SLC29A2: variants seen among roughly 807,000 people sequenced by gnomAD.
The protein encoded by SLC29A2 is equilibrative nucleoside transporter 2.
A neutral mutation model predicts 48.8 loss-of-function variants in SLC29A2; 37 were observed. The ratio of observed to expected loss-of-function variants is 0.76; its 90% CI spans 0.58 to 1.00. The LOEUF is 1.00. Ranked by LOEUF, SLC29A2 falls within the 50% of genes least tolerant of loss-of-function variation. The probability of loss-of-function intolerance (pLI) is 0.00; values close to 1 mark genes in which losing one functional copy is unlikely to be tolerated. For synonymous variants in SLC29A2, 233 were observed against 261.7 expected (o/e 0.89, Z 1.06); for missense variants, 533 against 578.6 (o/e 0.92, Z 0.81).
chr11:66,369,671 A>G (rs918342273), intron 2 of SLC29A2, 139 bp from the exon 3 acceptor site: 16 of 985,972 alleles, frequency 1.6e-5, no homozygotes, highest in Non-Finnish European at 2.5e-5. Context: ...GCCGGCACAC[A>G]GTCGGAGCTC....
At position 66,363,278 on chromosome 11, in the gene SLC29A2, T is replaced by C. The variant is rs1855477153; in HGVS notation, c.*158A>G. ...GATTTCTTCCCCACAGCACTCCAAGTGGATGAAGAGCAGCTCCTGCCCGCT... is the reference window on the plus strand; with the variant it reads ...GATTTCTTCCCCACAGCACTCCAAGCGGATGAAGAGCAGCTCCTGCCCGCT... On this transcript the variant is annotated 3_prime_UTR_variant, in exon 12 of 12. Transcript: ENST00000357440. 1.4e-6 allele frequency: 1 copy of C among 694,992 alleles called. No individual in the cohort carries two copies. The highest frequency in any genetic ancestry group is 2.7e-6 in the Non-Finnish European group (1 of 376,304). The allele number at this position is 694,992 out of a possible 1,614,324, so 43.1% of individuals were successfully genotyped here. A position where few individuals can be genotyped will look rare whatever the true frequency, so the allele number is the denominator to read the frequency against.
chr11:66,369,652 T>C (rs941192750), intron 2 of SLC29A2, 120 bp from the exon 3 acceptor site: 1 of 1,179,710 alleles, frequency 8.5e-7, no homozygotes, highest in African/African-American at 1.5e-5. Context: ...CCTTGTTCTG[T>C]TCCCAGCAGC....
intron 2 of SLC29A2, among the ~76,000 whole-genome samples, chr11:66,370,989 GA>G (rs1389218367): frequency 2.6e-5 from 4 of 152,132 alleles, no homozygotes; most frequent in Non-Finnish European, 5.9e-5. Flanking sequence ...GACACACAGA[GA>G]GGGGTGGCAG....
chr11:66,365,689 C>A (rs545639292), intron 10 of SLC29A2, among the ~76,000 whole-genome samples: 1 of 152,354 alleles, frequency 6.6e-6, no homozygotes, highest in South Asian at 2.1e-4. Flanking sequence ...ATGTAACATT[C>A]TCTGAGCAGC....
Position 66,371,548 on chromosome 11 carries a change from C to T in SLC29A2, c.29+15G>A, listed in dbSNP as rs1219177983. On this transcript the variant is annotated intron_variant, in intron 1 of 11. Transcript: ENST00000357440. ...AACGCCCCCGGCCACTTGCAACGCA[C>T]CCGGGCCCACTCACCTGTCCCGCGG... is the stretch of plus-strand genomic sequence containing the variant. 2.6e-6 allele frequency: 4 copies of T among 1,550,160 alleles called. No homozygotes were observed. The highest frequency in any genetic ancestry group is 2.4e-5 in the East Asian group (1 of 41,030).
upstream of SLC29A2, chr11:66,372,020 C>T (rs554957970): frequency 2.3e-5 from 5 of 221,636 alleles, no homozygotes; most frequent in Non-Finnish European, 4.5e-5. Context: ...CTCCACCCCC[C>T]GCCGAGAGCT....
chr11:66,365,804 C>T lies in SLC29A2; in HGVS notation c.1059+132G>A, dbSNP rs567949192. 692 of 861,428 alleles carry T rather than the reference C, an allele frequency of 8.0e-4. 1 individual carries two copies. Among genetic ancestry groups the T allele is most frequent in the Middle Eastern group, 1.6e-3 (6 of 3,680 alleles). 53.4% of individuals were successfully genotyped at this position (861,428 alleles called of 1,614,324 possible). A position where few individuals can be genotyped will look rare whatever the true frequency, so the allele number is the denominator to read the frequency against. On this transcript the variant is annotated intron_variant, in intron 10 of 11. Transcript: ENST00000357440. ...TGCACGCCTCCAGGGCCCAAGTGCT[C>T]CCTGCTGCTTGGCCAGTGGTTGCAT... is the stretch of plus-strand genomic sequence containing the variant.
Position 66,368,601 on chromosome 11 carries a change from G to C in SLC29A2, c.486C>G (p.Leu162=), listed in dbSNP as rs1476863056. The part of the protein sequence containing the change: ...LGTMPSTYST[L]FLSGQGLAGI... ...CAGCCAGGCCCTGGCCGCTGAGGAA[G>C]AGGGTGCTGTAGGTGGAGGGCATGG... The change falls in exon 5 of 12, where the codon CTC becomes CTG. Residue 162 remains leucine, a synonymous_variant. Transcript: ENST00000357440. 6.2e-7 allele frequency: 1 copy of C among 1,610,016 alleles called. No homozygotes were observed. The highest frequency in any genetic ancestry group is 8.5e-7 in the Non-Finnish European group (1 of 1,178,294).
chr11:66,366,356 C>T lies in SLC29A2; in HGVS notation c.867+75G>A, dbSNP rs886128310. On this transcript the variant is annotated intron_variant, in intron 8 of 11. Coordinates refer to ENST00000357440, the MANE Select transcript of SLC29A2 (RefSeq NM_001532.3). ...CAGCTGTGTCCCTGACCCACTGTGA[C>T]CCTATGACCTTGGAGTCAATGTGAG... The T allele has an allele frequency of 1.9e-6, 3 of 1,611,392 alleles. No homozygotes were observed. In the African/African-American group the frequency reaches 4.0e-5, roughly 22 times the overall value.
rs1411469889 is a variant in SLC29A2, at chr11:66,366,453, G to T, written c.845C>A (p.Ser282Ter). The change falls in exon 8 of 12, where the codon TCA (serine) becomes TAA (stop). Residue 282 changes from serine to a stop codon, truncating the protein, a stop_gained. Coordinates refer to ENST00000357440, the MANE Select transcript of SLC29A2 (RefSeq NM_001532.3). LOFTEE classifies it high-confidence loss of function. The stretch of plus-strand genomic sequence containing the variant: ...AACCTTCTGGAAGACAGTGAAGACT[G>T]AAGGTTTTCCTGGCTTCTGGGGCTC... The part of the protein sequence containing the change: ...PDEPQKPGKP[S>*]VFTVFQKIWL... 6 of 1,613,046 alleles carry T rather than the reference G, an allele frequency of 3.7e-6. No homozygotes were observed. Among genetic ancestry groups the T allele is most frequent in the Admixed American group, 1.7e-5 (1 of 59,988 alleles).
At chr11:66,363,982 AC>A (rs746090879) in intron 11 of SLC29A2, among the ~76,000 whole-genome samples, 1 of 152,018 alleles carries the variant, frequency 6.6e-6, no homozygotes, top group Non-Finnish European at 1.5e-5. Context: ...AAACTGAGGC[AC>A]ATTGAGGCGG....
chr11:66,371,602 G>T lies in SLC29A2; in HGVS notation c.-11C>A, dbSNP rs904300668. 4 of 1,548,192 alleles carry T rather than the reference G, an allele frequency of 2.6e-6. No homozygotes were observed. The highest frequency in any genetic ancestry group is 3.9e-5 in the Admixed American group (2 of 51,626). On this transcript the variant is annotated 5_prime_UTR_variant, in exon 1 of 12. Transcript: ENST00000357440. The stretch of plus-strand genomic sequence containing the variant: ...GTCTCCTCGCGCCATGGCCGCCGCG[G>T]CGGATGCGCCTGGGGTGAAAGGGGC...
At position 66,365,811 on chromosome 11, in the gene SLC29A2, G is replaced by C. The variant is rs1436196226; in HGVS notation, c.1059+125C>G. On this transcript the variant is annotated intron_variant, in intron 10 of 11. Coordinates refer to ENST00000357440, the MANE Select transcript of SLC29A2 (RefSeq NM_001532.3). ...CTCCAGGGCCCAAGTGCTCCCTGCTGCTTGGCCAGTGGTTGCATTACCAGG... is the reference window on the plus strand; with the variant it reads ...CTCCAGGGCCCAAGTGCTCCCTGCTCCTTGGCCAGTGGTTGCATTACCAGG... 8 of 905,946 alleles carry C rather than the reference G, an allele frequency of 8.8e-6. No individual in the cohort carries two copies. In the East Asian group the frequency reaches 1.8e-4, roughly 20 times the overall value. The allele number at this position is 905,946 out of a possible 1,614,324, so 56.1% of individuals were successfully genotyped here. A position where few individuals can be genotyped will look rare whatever the true frequency, so the allele number is the denominator to read the frequency against.
rs567330653 is a variant in SLC29A2, at chr11:66,369,437, A to C, written c.207T>G (p.Asn69Lys). ...GCAGCTGGGACAGCAGCGTCACCCAATTGTTGAAGTTGAAGGCATCCTCGG... is the reference window on the plus strand; with the variant it reads ...GCAGCTGGGACAGCAGCGTCACCCACTTGTTGAAGTTGAAGGCATCCTCGG... ...TGPEDAFNFN[N>K]WVTLLSQLPL... Residue 69 changes from asparagine (N) to lysine (K), a missense_variant, in exon 3 of 12, where the codon AAT (asparagine) becomes AAG (lysine). Physicochemically the swap from Asn to Lys is moderately conservative, Grantham distance 94 (BLOSUM62 0). Transcript: ENST00000357440. 1 of 1,614,076 alleles carries C rather than the reference A, an allele frequency of 6.2e-7. No individual in the cohort carries two copies. Among genetic ancestry groups the C allele is most frequent in the East Asian group, 2.2e-5 (1 of 44,874 alleles).
At chr11:66,370,118 ATC>A in intron 2 of SLC29A2, among the ~76,000 whole-genome samples, 1 of 152,302 alleles carries the variant, frequency 6.6e-6, no homozygotes, top group Non-Finnish European at 1.5e-5. Context: ...AAACAGGCTG[ATC>A]GTCTCTTGCC....
intron 5 of SLC29A2, among the ~76,000 whole-genome samples, chr11:66,368,151 C>T (rs546541368): frequency 6.6e-6 from 1 of 152,306 alleles, no homozygotes; most frequent in Admixed American, 6.5e-5. Flanking sequence ...CTATACCAAT[C>T]ACGTCGGTGG....
intron 1 of SLC29A2, 22 bp downstream of exon 1, chr11:66,371,541 C>G (rs1321412781): frequency 6.5e-7 from 1 of 1,550,254 alleles, no homozygotes; most frequent in Non-Finnish European, 8.7e-7. Context: ...CGGCCACTTG[C>G]AACGCACCCG....
intron 10 of SLC29A2, among the ~76,000 whole-genome samples, chr11:66,365,170 G>A (rs992498039): frequency 1.1e-4 from 17 of 152,148 alleles, no homozygotes; most frequent in Non-Finnish European, 1.5e-4. Context: ...CTCCCAGAGT[G>A]CTGGGATTAC....
chr11:66,365,016 G>A (rs1216829956), intron 10 of SLC29A2, among the ~76,000 whole-genome samples: 2 of 151,750 alleles, frequency 1.3e-5, no homozygotes, highest in African/African-American at 4.8e-5. Context: ...GTGCGATCTC[G>A]GCTCACTGCA....
Sources: gnomAD v4.1 joint callset for allele counts (sites outside exome capture counted in the v4.1 genomes callset) on GRCh38, gnomAD v4.1.1 for gene constraint, MANE v1.5 for transcripts, NCBI Gene and HGNC (gene_info 2026-07-23, HGNC 2026-07-21) for gene names.